Variants in MYO15A observed in about 807,000 individuals in gnomAD.
MYO15A encodes the protein unconventional myosin-XV.
A neutral mutation model predicts 394.6 loss-of-function variants in MYO15A; 308 were observed. The ratio of observed to expected loss-of-function variants is 0.78; its 90% CI spans 0.71 to 0.86. The LOEUF is 0.86. Ranked by LOEUF, MYO15A falls within the 40% of genes least tolerant of loss-of-function variation. The pLI is 0.00. For missense variants in MYO15A, 4,606 were observed against 4,799.1 expected (o/e 0.96, Z 1.19); for synonymous variants, 1,957 against 2,003.8 (o/e 0.98, Z 0.62).
chr17:18,158,840 C>T (rs2046730090), intron 52 of MYO15A, 85 bp from the exon 53 acceptor site: 1 of 1,546,732 alleles, frequency 6.5e-7, no homozygotes. Context: ...CAAGAACCCC[C>T]TCCCTGGGGG....
Position 18,128,943 on chromosome 17 carries a change from G to A in MYO15A, c.4032+1778G>A, listed in dbSNP as rs141273044. ...GCCTGCCAGCTGTGATGACCATGGG[G>A]CTCCTTTCCTAGACATGGCTCTTCC... On this transcript the variant is annotated intron_variant, in intron 7 of 65. Coordinates refer to ENST00000647165, the MANE Select transcript of MYO15A (RefSeq NM_016239.4). Among the ~76,000 whole-genome samples the A allele has an allele frequency of 1.7e-3, 254 of 152,234 alleles. 8 individuals are homozygous for A. In the East Asian group the frequency reaches 0.044, roughly 26 times the overall value.
chr17:18,112,942 G>T (rs1370446792), intron 1 of MYO15A, among the ~76,000 whole-genome samples: 1 of 151,856 alleles, frequency 6.6e-6, no homozygotes, highest in Non-Finnish European at 1.5e-5. Context: ...CTGCCTCCCG[G>T]GTTCAAGAAA....
Position 18,132,264 on chromosome 17 carries a change from C to A in MYO15A, c.4207-189C>A, listed in dbSNP as rs760773480. On this transcript the variant is annotated intron_variant, in intron 10 of 65. Transcript: ENST00000647165. The surrounding 1 kb of genome is among the most constrained non-coding windows in gnomAD (Gnocchi z 4.6). Reference sequence around the variant, plus strand: ...CTCTCAAACTTCAATCATACCAGGGCACCTCTGCTTCTGCCCTCACCCGCA... The same window carrying A: ...CTCTCAAACTTCAATCATACCAGGGAACCTCTGCTTCTGCCCTCACCCGCA... 6.6e-6 allele frequency among the ~76,000 whole-genome samples: 1 copy of A among 152,254 alleles called. No homozygotes were observed. Among genetic ancestry groups the A allele is most frequent in the African/African-American group, 2.4e-5 (1 of 41,470 alleles).
Position 18,148,590 on chromosome 17 carries a change from C to T in MYO15A, c.6764+22C>T, listed in dbSNP as rs375679296. ...ACAGGTTGGCTCCTAGGATGCCCTCCCAGCACACTCTTATGTACCTGGAAT... is the reference window on the plus strand; with the variant it reads ...ACAGGTTGGCTCCTAGGATGCCCTCTCAGCACACTCTTATGTACCTGGAAT... On this transcript the variant is annotated intron_variant, in intron 32 of 65. Transcript: ENST00000647165. The surrounding 1 kb of genome is among the most constrained non-coding windows in gnomAD (Gnocchi z 4.8). The T allele has an allele frequency of 5.2e-6, 8 of 1,551,050 alleles. No homozygotes were observed. The highest frequency in any genetic ancestry group is 7.0e-6 in the Non-Finnish European group (8 of 1,146,822).
intron 3 of MYO15A, 170 bp from the exon 4 acceptor site, chr17:18,124,998 A>C (rs774484815): frequency 7.3e-6 from 5 of 688,942 alleles, no homozygotes; most frequent in Non-Finnish European, 1.3e-5. Context: ...AATGAAGAAA[A>C]AGGCACAGAA....
chr17:18,119,112 G>A lies in MYO15A; in HGVS notation c.312G>A (p.Pro104=). 1 of 1,611,900 alleles carries A rather than the reference G, an allele frequency of 6.2e-7. No individual in the cohort carries two copies. Among genetic ancestry groups the A allele is most frequent in the South Asian group, 1.1e-5 (1 of 90,998 alleles). ...KKKRAMKGKK[P]SFMVIRFPGR... ...AGCGGGCGATGAAGGGCAAGAAGCC[G>A]TCCTTCATGGTGATCCGCTTCCCAG... is the stretch of plus-strand genomic sequence containing the variant. The change falls in exon 2 of 66, where the codon CCG becomes CCA. Residue 104 remains proline (P), a synonymous_variant. Coordinates refer to ENST00000647165, the MANE Select transcript of MYO15A (RefSeq NM_016239.4).
Position 18,151,940 on chromosome 17 carries a change from C to A in MYO15A, c.7882C>A (p.Pro2628Thr). ...KGQMTHLAAA[P>T]GTQVSREAVA... ...GCAGATGACCCACCTGGCAGCTGCACCTGGCACCCAGGTGAGGGGGGAAGG... is the reference window on the plus strand; with the variant it reads ...GCAGATGACCCACCTGGCAGCTGCAACTGGCACCCAGGTGAGGGGGGAAGG... Residue 2628 changes from proline to threonine, a missense_variant, in exon 41 of 66, where the codon CCT (proline) becomes ACT (threonine). Pro to Thr is a conservative substitution (Grantham distance 38, BLOSUM62 -1). Coordinates refer to ENST00000647165, the MANE Select transcript of MYO15A (RefSeq NM_016239.4). 6.4e-7 allele frequency: 1 copy of A among 1,561,038 alleles called. No homozygotes were observed. Among genetic ancestry groups the A allele is most frequent in the South Asian group, 1.2e-5 (1 of 84,710 alleles).
chr17:18,119,316 C>G lies in MYO15A; in HGVS notation c.516C>G (p.Leu172=), dbSNP rs561129896. ...GCTCCCGCATGGGCTCCCGCAAACT[C>G]CCCTTCCCGTCGGGTGCCGAGATCC... is the stretch of plus-strand genomic sequence containing the variant. ...RSSSRMGSRK[L]PFPSGAEILR... Residue 172 remains leucine, a synonymous_variant, in exon 2 of 66, where the codon CTC becomes CTG. Coordinates refer to ENST00000647165, the MANE Select transcript of MYO15A (RefSeq NM_016239.4). The G allele has an allele frequency of 1.2e-6, 2 of 1,610,660 alleles. No individual in the cohort carries two copies. Among genetic ancestry groups the G allele is most frequent in the South Asian group, 1.1e-5 (1 of 91,058 alleles).
rs8065026 is a variant in MYO15A at position 18,142,976 on chromosome 17, T to C, written c.5910+136T>C. 147,332 of 780,434 alleles carry C rather than the reference T, an allele frequency of 0.19. 15,753 individuals are homozygous for C. The highest frequency in any genetic ancestry group is 0.33 in the Middle Eastern group (1,369 of 4,162). The allele number at this position is 780,434 out of a possible 1,614,324, so 48.3% of individuals were successfully genotyped here. A position where few individuals can be genotyped will look rare whatever the true frequency, so the allele number is the denominator to read the frequency against. The stretch of plus-strand genomic sequence containing the variant: ...CTCTGCCACCCACTAGCTCTTTAAC[T>C]TTGGCCATTGTCTATCCTCGATTTT... On this transcript the variant is annotated intron_variant, in intron 25 of 65. Transcript: ENST00000647165.
intron 44 of MYO15A, among the ~76,000 whole-genome samples, 175 bp downstream of exon 44, chr17:18,154,365 C>A (rs1185968188): frequency 6.6e-6 from 1 of 152,168 alleles, no homozygotes; most frequent in Admixed American, 6.5e-5. Flanking sequence ...GTCAGTGAGC[C>A]CACAGTTCAA....
chr17:18,110,690 T>C (rs1339516693), intron 1 of MYO15A, among the ~76,000 whole-genome samples: 1 of 152,178 alleles, frequency 6.6e-6, no homozygotes, highest in Admixed American at 6.5e-5. Context: ...GCCTGGCACA[T>C]AGTAAACATC....
intron 14 of MYO15A, 23 bp downstream of exon 14, chr17:18,136,498 C>T (rs375652699): frequency 3.6e-5 from 58 of 1,613,678 alleles, no homozygotes; most frequent in Non-Finnish European, 8.5e-7. Context: ...CCTCCCCTGC[C>T]TGAGCCCCGA....
chr17:18,133,431 C>A (rs1442501324), intron 12 of MYO15A, 45 bp downstream of exon 12: 1 of 1,604,882 alleles, frequency 6.2e-7, no homozygotes, highest in South Asian at 1.1e-5. Flanking sequence ...ACCCTCTGGA[C>A]TTGGCCGTCT....
intron 53 of MYO15A, 130 bp downstream of exon 53, chr17:18,159,127 A>C (rs1354921207): frequency 1.4e-6 from 2 of 1,382,554 alleles, no homozygotes; most frequent in African/African-American, 1.4e-5. Context: ...ATTCCCTCCC[A>C]AGGACAGCCT....
At chr17:18,142,035 C>G (rs770041651) in intron 23 of MYO15A, 44 bp from the exon 24 acceptor site, 6 of 1,606,040 alleles carry the variant, frequency 3.7e-6, no homozygotes, top group Non-Finnish European at 2.5e-6. Context: ...CTTAGTCCAG[C>G]CTCCTGGCTC....
chr17:18,138,856 G>A lies in MYO15A; in HGVS notation c.5053G>A (p.Ala1685Thr), dbSNP rs780793940. 17 of 1,613,532 alleles carry A rather than the reference G, an allele frequency of 1.1e-5. No individual in the cohort carries two copies. The highest frequency in any genetic ancestry group is 2.7e-5 in the African/African-American group (2 of 74,910). Residue 1685 changes from alanine to threonine, a missense_variant, in exon 18 of 66, where the codon GCC (alanine) becomes ACC (threonine). Physicochemically the swap from Ala to Thr is moderately conservative, Grantham distance 58. This residue lies in a region of MYO15A where 2,776 missense variants were observed against 3,109.3 expected (regional missense o/e 0.89). Transcript: ENST00000647165. Reference protein sequence around the residue: ...FLQKCHYHHGANPLYSKPKMP... With the variant: ...FLQKCHYHHGTNPLYSKPKMP... ...ACAGAAGTGCCACTACCATCATGGCGCCAACCCGCTCTATTCCAAACCCAA... is the reference window on the plus strand; with the variant it reads ...ACAGAAGTGCCACTACCATCATGGCACCAACCCGCTCTATTCCAAACCCAA...
Position 18,136,657 on chromosome 17 carries a change from A to G in MYO15A, c.4750A>G (p.Ile1584Val), listed in dbSNP as rs201063460. 1.9e-6 allele frequency: 3 copies of G among 1,611,982 alleles called. No individual in the cohort carries two copies. Among genetic ancestry groups the G allele is most frequent in the Admixed American group, 1.7e-5 (1 of 59,882 alleles). The change falls in exon 15 of 66, where the codon ATC (isoleucine) becomes GTC (valine). Residue 1584 changes from isoleucine (I) to valine (V), a missense_variant. By Grantham distance (29) the Ile-to-Val change is conservative. Coordinates refer to ENST00000647165, the MANE Select transcript of MYO15A (RefSeq NM_016239.4). The part of the protein sequence containing the change: ...LVSPRQDTLS[I>V]AILDIYGFED... ...GTCCCCAAGGCAGGACACACTGTCC[A>G]TCGCCATCCTGGACATCTATGGTTT... is the stretch of plus-strand genomic sequence containing the variant.
chr17:18,168,224 C>T (rs1261663140), intron 62 of MYO15A, among the ~76,000 whole-genome samples: 6 of 152,078 alleles, frequency 3.9e-5, no homozygotes, highest in Admixed American at 1.3e-4. Flanking sequence ...TTTATAGAGA[C>T]GGGGTCTTGC....
intron 1 of MYO15A, among the ~76,000 whole-genome samples, chr17:18,112,805 G>A (rs773341828): frequency 3.9e-5 from 6 of 151,984 alleles, no homozygotes; most frequent in Non-Finnish European, 8.8e-5. Context: ...GATTTACAGT[G>A]AGATAACTAT....
Sources: allele counts gnomAD v4.1 joint callset (sites outside exome capture counted in the v4.1 genomes callset), GRCh38; gene constraint gnomAD v4.1.1; regional missense constraint gnomAD v4.1.1; non-coding constraint Gnocchi (gnomAD v3.1); transcripts MANE v1.5; gene names NCBI Gene and HGNC (gene_info 2026-07-23, HGNC 2026-07-21).